Variants in TSPAN5 observed in about 807,000 individuals in gnomAD.
The protein encoded by TSPAN5 is tetraspanin 5.
Under a neutral mutation model 37.1 loss-of-function variants are expected in TSPAN5, and 10 were observed. That is an observed-to-expected ratio of 0.27 (90% CI 0.17 to 0.46). The LOEUF (loss-of-function observed/expected upper bound fraction) is 0.46. Ranked by LOEUF, TSPAN5 falls within the 20% of genes least tolerant of loss-of-function variation. TSPAN5 has a pLI of 1.00. For missense variants in TSPAN5, 195 were observed against 326.6 expected (o/e 0.60, Z 3.11); for synonymous variants, 110 against 118.9 (o/e 0.93, Z 0.48).
Position 98,541,709 on chromosome 4 carries a change from A to AGG in TSPAN5, c.82-33982_82-33981insCC, listed in dbSNP as rs1553912690. Among the ~76,000 whole-genome samples, 125 of 147,536 alleles carry AGG rather than the reference A, an allele frequency of 8.5e-4. 1 individual carries two copies. Among genetic ancestry groups the AGG allele is most frequent in the Middle Eastern group, 3.6e-3 (1 of 278 alleles). On this transcript the variant is annotated intron_variant, in intron 1 of 7. Coordinates refer to ENST00000305798, the MANE Select transcript of TSPAN5 (RefSeq NM_005723.4). ...AAAAAAAAAAAAGAGAGAGAGAGAG[A>AGG]GAGAAGGAAAATGGGGGTTAAATCA...
At chr4:98,641,007 A>G (rs1482180383) in intron 1 of TSPAN5, among the ~76,000 whole-genome samples, 1 of 152,204 alleles carries the variant, frequency 6.6e-6, no homozygotes, top group African/African-American at 2.4e-5. Flanking sequence ...ATCCATGGTC[A>G]CACAGCTTGG....
intron 2 of TSPAN5, among the ~76,000 whole-genome samples, chr4:98,487,302 C>T (rs545207085): frequency 4.0e-5 from 6 of 149,886 alleles, no homozygotes; most frequent in Non-Finnish European, 7.4e-5. Flanking sequence ...AAGGAGAAGA[C>T]GTGGTGTTAC....
rs533221600 is a variant in TSPAN5, at chr4:98,535,640, T to C, written c.82-27912A>G. Among the ~76,000 whole-genome samples the C allele has an allele frequency of 6.4e-4, 98 of 152,314 alleles. 1 individual carries two copies. Among genetic ancestry groups the C allele is most frequent in the Non-Finnish European group, 4.1e-4 (28 of 68,032 alleles). ...CCTGGAGAGTGTTTTCCAACTTGGT[T>C]CCATTCTCCTTGTCACTTTCAGGTA... On this transcript the variant is annotated intron_variant, in intron 1 of 7. Coordinates refer to ENST00000305798, the MANE Select transcript of TSPAN5 (RefSeq NM_005723.4).
chr4:98,542,898 G>T (rs1478439210), intron 1 of TSPAN5, among the ~76,000 whole-genome samples: 1 of 152,064 alleles, frequency 6.6e-6, no homozygotes, highest in Non-Finnish European at 1.5e-5. Context: ...AATGTAAATG[G>T]AAGTTGTGGC....
chr4:98,511,611 T>A (rs1560517896), intron 1 of TSPAN5, among the ~76,000 whole-genome samples: 1 of 152,242 alleles, frequency 6.6e-6, no homozygotes, highest in African/African-American at 2.4e-5. Context: ...TGTTTCAAAC[T>A]GAGCTGCACT....
chr4:98,478,561 A>G, intron 5 of TSPAN5, 124 bp downstream of exon 5: 1 of 1,162,096 alleles, frequency 8.6e-7, no homozygotes, highest in Non-Finnish European at 1.3e-6. Context: ...AACCCCCTAC[A>G]GGAGCTACAA....
At chr4:98,583,677 C>T (rs183416125) in intron 1 of TSPAN5, among the ~76,000 whole-genome samples, 235 of 152,360 alleles carry the variant, frequency 1.5e-3, no homozygotes, top group Middle Eastern at 0.014. Flanking sequence ...TCCTGCTCAT[C>T]ACTTCACTAC....
chr4:98,567,743 G>A (rs1487847740), intron 1 of TSPAN5, among the ~76,000 whole-genome samples: 1 of 150,764 alleles, frequency 6.6e-6, no homozygotes, highest in Admixed American at 6.6e-5. Context: ...AGGCAGGGAG[G>A]ACTTTGGCCA....
At chr4:98,534,798 T>C (rs191389832) in intron 1 of TSPAN5, among the ~76,000 whole-genome samples, 1 of 152,344 alleles carries the variant, frequency 6.6e-6, no homozygotes, top group East Asian at 1.9e-4. Context: ...TTGATCTTTG[T>C]TGGTTTAAAG....
chr4:98,532,322 G>T (rs1754113197), intron 1 of TSPAN5, among the ~76,000 whole-genome samples: 1 of 152,240 alleles, frequency 6.6e-6, no homozygotes, highest in Non-Finnish European at 1.5e-5. Context: ...CTATCCATCA[G>T]CATGGAATGT....
At chr4:98,583,008 T>C (rs1755404102) in intron 1 of TSPAN5, among the ~76,000 whole-genome samples, 1 of 152,160 alleles carries the variant, frequency 6.6e-6, no homozygotes, top group Non-Finnish European at 1.5e-5. Context: ...GCAGATATAC[T>C]TACCATTAGA....
chr4:98,494,982 A>T (rs910683025), intron 2 of TSPAN5, among the ~76,000 whole-genome samples: 1 of 152,224 alleles, frequency 6.6e-6, no homozygotes, highest in Non-Finnish European at 1.5e-5. Flanking sequence ...AGCTTAGGGT[A>T]CTGAGAAGTG....
chr4:98,556,943 T>G (rs967613726), intron 1 of TSPAN5, among the ~76,000 whole-genome samples: 1 of 152,224 alleles, frequency 6.6e-6, no homozygotes, highest in Non-Finnish European at 1.5e-5. Context: ...ATAAATTTGT[T>G]AAAAATTATA....
chr4:98,531,966 T>A (rs546278019), intron 1 of TSPAN5, among the ~76,000 whole-genome samples: 1 of 152,340 alleles, frequency 6.6e-6, no homozygotes, highest in East Asian at 1.9e-4. Context: ...TAGCCCTTTG[T>A]CAGATGGACA....
At chr4:98,583,853 T>G (rs1025757417) in intron 1 of TSPAN5, among the ~76,000 whole-genome samples, 1 of 152,188 alleles carries the variant, frequency 6.6e-6, no homozygotes, top group African/African-American at 2.4e-5. Context: ...ATTGCTATTA[T>G]TCATTGCTTC....
chr4:98,638,697 C>T (rs774807483), intron 1 of TSPAN5, among the ~76,000 whole-genome samples: 24 of 152,178 alleles, frequency 1.6e-4, no homozygotes, highest in Non-Finnish European at 2.6e-4. Context: ...GGAAGCTCCA[C>T]CTGTATCTGG....
chr4:98,646,848 T>C (rs1757079541), intron 1 of TSPAN5, among the ~76,000 whole-genome samples: 1 of 151,518 alleles, frequency 6.6e-6, no homozygotes, highest in South Asian at 2.1e-4. Context: ...AGTATAATAA[T>C]TGCTAATACC....
intron 1 of TSPAN5, among the ~76,000 whole-genome samples, chr4:98,572,551 G>C: frequency 6.6e-6 from 1 of 152,184 alleles, no homozygotes; most frequent in East Asian, 1.9e-4. Flanking sequence ...AGCCTACTAC[G>C]TCTCAGACAT....
intron 1 of TSPAN5, among the ~76,000 whole-genome samples, chr4:98,582,683 T>C (rs952376611): frequency 1.6e-4 from 24 of 152,146 alleles, no homozygotes; most frequent in Non-Finnish European, 3.4e-4. Flanking sequence ...GTCCAAGATA[T>C]CTTTCTAACA....
Sources: allele counts gnomAD v4.1 joint callset (sites outside exome capture counted in the v4.1 genomes callset), GRCh38; gene constraint gnomAD v4.1.1; transcripts MANE v1.5; gene names NCBI Gene and HGNC (gene_info 2026-07-23, HGNC 2026-07-21).